UNC13C: variants seen among roughly 807,000 people sequenced by gnomAD.
UNC13C encodes protein unc-13 homolog C.
UNC13C carries 174 observed loss-of-function variants against 245.4 expected under a neutral mutation model. The observed-to-expected ratio is 0.71, with a 90% CI of 0.63 to 0.80. The LOEUF is 0.80. UNC13C is among the 30% of genes least tolerant of loss of function. The pLI is 0.00. For missense variants in UNC13C, 2,829 were observed against 2,602.9 expected (o/e 1.09, Z -1.89); for synonymous variants, 992 against 895.1 (o/e 1.11, Z -1.93).
rs981008158 is a variant in UNC13C, at chr15:54,538,672, T to G, written c.5696+5606T>G. Among the ~76,000 whole-genome samples the G allele has an allele frequency of 5.3e-5, 8 of 151,940 alleles. No individual in the cohort carries two copies. In the East Asian group the frequency reaches 1.5e-3, roughly 29 times the overall value. ...ATGGAATACTACACAGCCATAAAAA[T>G]GAATGAGATCATGACCTCTGCGGCA... On this transcript the variant is annotated intron_variant, in intron 26 of 32. Coordinates refer to ENST00000260323, the MANE Select transcript of UNC13C (RefSeq NM_001080534.3).
intron 19 of UNC13C, among the ~76,000 whole-genome samples, chr15:54,467,872 A>G (rs1368240482): frequency 6.6e-6 from 1 of 151,682 alleles, no homozygotes; most frequent in East Asian, 1.9e-4. Context: ...AATGATGATC[A>G]CTTCAGTTGT....
chr15:53,936,724 G>T, the UNC13C span, among the ~76,000 whole-genome samples: 4,970 of 152,208 alleles, frequency 0.033, 116 homozygotes, highest in Middle Eastern at 0.071. Flanking sequence ...CTCCAGATGT[G>T]GGAGGGACCA....
chr15:54,518,301 A>G (rs879733740), intron 24 of UNC13C, among the ~76,000 whole-genome samples: 2 of 152,296 alleles, frequency 1.3e-5, no homozygotes, highest in East Asian at 1.9e-4. Context: ...TTGGCGAGCC[A>G]TGTCAAAATG....
At position 54,350,838 on chromosome 15, in the gene UNC13C, C is replaced by G. The variant is rs554022650; in HGVS notation, c.4713+12349C>G. On this transcript the variant is annotated intron_variant, in intron 17 of 32. Transcript: ENST00000260323. ...TGTTCCTTCTTCAGAAACTTTCATT[C>G]TTTAAAGATGGTTTTCCTTCACAAA... 8.2e-4 allele frequency among the ~76,000 whole-genome samples: 125 copies of G among 152,224 alleles called. 1 individual carries two copies. Among genetic ancestry groups the G allele is most frequent in the African/African-American group, 2.9e-3 (122 of 41,548 alleles).
chr15:53,854,122 G>GTTTTTTTGTTTT, the UNC13C span, among the ~76,000 whole-genome samples: 114 of 133,520 alleles, frequency 8.5e-4, 2 homozygotes, highest in East Asian at 1.3e-3. Context: ...GTTTTTATAG[G>GTTTTTTTGTTTT]TTTTTTTTTT....
chr15:54,618,938 G>A (rs1012990095), intron 30 of UNC13C, among the ~76,000 whole-genome samples: 1 of 152,054 alleles, frequency 6.6e-6, no homozygotes, highest in African/African-American at 2.4e-5. Context: ...ACCTCTTACT[G>A]TCAATTATAA....
intron 19 of UNC13C, among the ~76,000 whole-genome samples, chr15:54,438,420 T>C (rs577884619): frequency 2.0e-5 from 3 of 152,138 alleles, no homozygotes; most frequent in South Asian, 4.1e-4. Flanking sequence ...TCTAAGTCTT[T>C]GTGTTCACCA....
intron 1 of UNC13C, among the ~76,000 whole-genome samples, chr15:53,996,840 T>TTTTC (rs1473135464): frequency 1.3e-5 from 2 of 151,906 alleles, no homozygotes; most frequent in Non-Finnish European, 2.9e-5. Flanking sequence ...GGGTTTTTTT[T>TTTTC]TTTCATTTTT....
At chr15:54,187,975 G>A (rs566109668) in intron 4 of UNC13C, among the ~76,000 whole-genome samples, 85 of 151,994 alleles carry the variant, frequency 5.6e-4, no homozygotes, top group African/African-American at 2.0e-3. Flanking sequence ...CCACCACCAT[G>A]CACGGATAAT....
rs144831813 is a variant in UNC13C at position 54,374,470 on chromosome 15, C to A, written c.4714-18578C>A. The stretch of plus-strand genomic sequence containing the variant: ...CAGGGAGCTGGCATTTCTGCACCAC[C>A]TCCAGCAAGCAAACACACCTCTGGG... On this transcript the variant is annotated intron_variant, in intron 17 of 32. Coordinates refer to ENST00000260323, the MANE Select transcript of UNC13C (RefSeq NM_001080534.3). Among the ~76,000 whole-genome samples the A allele has an allele frequency of 5.1e-3, 776 of 152,302 alleles. 10 individuals are homozygous for A. Among genetic ancestry groups the A allele is most frequent in the African/African-American group, 0.017 (726 of 41,570 alleles).
intron 19 of UNC13C, among the ~76,000 whole-genome samples, chr15:54,420,461 C>A (rs530234843): frequency 8.6e-5 from 13 of 151,822 alleles, no homozygotes; most frequent in Admixed American, 3.9e-4. Context: ...GTCACTTCTA[C>A]AATATCTCGT....
the UNC13C span, among the ~76,000 whole-genome samples, chr15:53,926,697 G>T: frequency 6.6e-6 from 1 of 151,842 alleles, no homozygotes; most frequent in Non-Finnish European, 1.5e-5. Flanking sequence ...TTCTATGACA[G>T]CACCACAAAG....
chr15:54,094,976 G>A (rs1595846581), intron 2 of UNC13C, among the ~76,000 whole-genome samples: 1 of 152,102 alleles, frequency 6.6e-6, no homozygotes, highest in East Asian at 1.9e-4. Context: ...TTTCTGGTGA[G>A]GTATCCAAAC....
intron 30 of UNC13C, among the ~76,000 whole-genome samples, chr15:54,589,385 G>A (rs1274362448): frequency 3.9e-5 from 5 of 127,420 alleles, no homozygotes; most frequent in African/African-American, 1.2e-4. Context: ...TGCAGCCTCC[G>A]CCTCCTGGGT....
chr15:54,194,455 C>T (rs1468595057), intron 4 of UNC13C, among the ~76,000 whole-genome samples: 1 of 151,936 alleles, frequency 6.6e-6, no homozygotes, highest in Admixed American at 6.6e-5. Flanking sequence ...ATATTTTAGT[C>T]ATAAAATATT....
intron 4 of UNC13C, among the ~76,000 whole-genome samples, chr15:54,156,546 A>G (rs1192633626): frequency 1.3e-5 from 2 of 152,142 alleles, no homozygotes; most frequent in African/African-American, 4.8e-5. Flanking sequence ...CCCCACGTTT[A>G]ACAATAAGTT....
chr15:54,457,457 C>G (rs1385200646), intron 19 of UNC13C, among the ~76,000 whole-genome samples: 1 of 151,984 alleles, frequency 6.6e-6, no homozygotes, highest in Non-Finnish European at 1.5e-5. Flanking sequence ...GATTGGTACC[C>G]ATTCTTCTTT....
At chr15:54,237,988 T>A (rs1258803241) in intron 7 of UNC13C, among the ~76,000 whole-genome samples, 1 of 152,084 alleles carries the variant, frequency 6.6e-6, no homozygotes, top group East Asian at 1.9e-4. Context: ...GTTTAAGTTT[T>A]GCCTCTTTTA....
intron 19 of UNC13C, among the ~76,000 whole-genome samples, chr15:54,429,677 A>G (rs927984294): frequency 6.6e-6 from 1 of 151,668 alleles, no homozygotes; most frequent in Non-Finnish European, 1.5e-5. Flanking sequence ...TACACAAGGT[A>G]CATTCAGATT....
Sources: allele counts gnomAD v4.1 joint callset (sites outside exome capture counted in the v4.1 genomes callset), GRCh38; gene constraint gnomAD v4.1.1; transcripts MANE v1.5; gene names NCBI Gene and HGNC (gene_info 2026-07-23, HGNC 2026-07-21).